The following SLC7A7 variants were observed in gnomAD, a reference collection of about 807,000 sequenced individuals.
The protein encoded by SLC7A7 is Y+L amino acid transporter 1.
In SLC7A7, 39 loss-of-function variants were observed where a neutral mutation model predicts 47.9. The ratio of observed to expected loss-of-function variants is 0.81; its 90% CI spans 0.63 to 1.06. SLC7A7 has a LOEUF of 1.06. Ranked by LOEUF, SLC7A7 falls within the 50% of genes least tolerant of loss-of-function variation. SLC7A7 has a pLI of 0.00. For missense variants in SLC7A7, 588 were observed against 632.0 expected (o/e 0.93, Z 0.75); for synonymous variants, 234 against 242.8 (o/e 0.96, Z 0.34).
At chr14:22,797,604 G>A (rs2039041330) in intron 2 of SLC7A7, among the ~76,000 whole-genome samples, 1 of 152,172 alleles carries the variant, frequency 6.6e-6, no homozygotes, top group South Asian at 2.1e-4. Context: ...TGAATGGGGT[G>A]CAGGCAAGCA....
At chr14:22,812,805 A>T in intron 2 of SLC7A7, 95 bp downstream of exon 2, 1 of 1,024,958 alleles carries the variant, frequency 9.8e-7, no homozygotes. Context: ...TGTCAGAGAC[A>T]TTCCTCTCTA....
chr14:22,807,147 C>A (rs1229043815), intron 2 of SLC7A7, among the ~76,000 whole-genome samples: 2 of 152,144 alleles, frequency 1.3e-5, no homozygotes, highest in Non-Finnish European at 2.9e-5. Flanking sequence ...GATCCACCAG[C>A]CTCGGCCTCC....
At chr14:22,809,958 G>T (rs952006205) in intron 2 of SLC7A7, among the ~76,000 whole-genome samples, 3 of 146,596 alleles carry the variant, frequency 2.0e-5, no homozygotes, top group African/African-American at 7.6e-5. Context: ...AGAATCGCTG[G>T]AACTCGGGAG....
chr14:22,777,142 T>TA lies in SLC7A7; in HGVS notation c.771-825dup, dbSNP rs35326556. On this transcript the variant is annotated intron_variant, in intron 4 of 9. Coordinates refer to ENST00000674313, the MANE Select transcript of SLC7A7 (RefSeq NM_003982.4). ...CTGGGCAAGGCAGCCAGACCCTGTC[T>TA]AAAAAAAAAAAAAAAAAAAAAAAAG... Among the ~76,000 whole-genome samples the TA allele has an allele frequency of 5.2e-3, 334 of 63,900 alleles. 4 individuals are homozygous for TA. Among genetic ancestry groups the TA allele is most frequent in the East Asian group, 0.032 (61 of 1,912 alleles). The allele number at this position is 63,900 out of a possible 152,430, so 41.9% of individuals were successfully genotyped here.
chr14:22,781,875 T>G (rs1408590478), intron 2 of SLC7A7, among the ~76,000 whole-genome samples: 1 of 152,146 alleles, frequency 6.6e-6, no homozygotes, highest in Non-Finnish European at 1.5e-5. Flanking sequence ...AATACAAATT[T>G]ATGATTCCCT....
At chr14:22,783,391 T>G (rs1323169360) in intron 2 of SLC7A7, among the ~76,000 whole-genome samples, 1 of 150,374 alleles carries the variant, frequency 6.7e-6, no homozygotes, top group East Asian at 2.0e-4. Context: ...TAATCCCTAT[T>G]GCTTCTCTAC....
Position 22,794,126 on chromosome 14 carries a change from C to T in SLC7A7, c.500-14075G>A, listed in dbSNP as rs201808454. On this transcript the variant is annotated intron_variant, in intron 2 of 9. Transcript: ENST00000674313. ...TTAAAAACTCTGCTCCCAGAATGTT[C>T]GGGGAGACTGATTTGAGTAATAATA... is the stretch of plus-strand genomic sequence containing the variant. 1.6e-3 allele frequency among the ~76,000 whole-genome samples: 245 copies of T among 152,322 alleles called. 4 individuals carry two copies. In the South Asian group the frequency reaches 0.044, roughly 27 times the overall value.
intron 2 of SLC7A7, 191 bp from the exon 3 acceptor site, chr14:22,780,242 A>C: frequency 1.7e-6 from 1 of 601,556 alleles, no homozygotes; most frequent in Non-Finnish European, 2.9e-6. Context: ...AAAGGCCTCT[A>C]TACTCCCCAC....
At chr14:22,794,449 C>T (rs1480786429) in intron 2 of SLC7A7, among the ~76,000 whole-genome samples, 1 of 152,136 alleles carries the variant, frequency 6.6e-6, no homozygotes, top group African/African-American at 2.4e-5. Flanking sequence ...AGTCCCTTCT[C>T]CAAGCCGTGT....
chr14:22,774,610 T>C, intron 7 of SLC7A7, 107 bp from the exon 8 acceptor site: 1 of 1,438,186 alleles, frequency 7.0e-7, no homozygotes, highest in Non-Finnish European at 9.7e-7. Flanking sequence ...CCTCAAAGTC[T>C]CCTGGTCCTC....
intron 2 of SLC7A7, among the ~76,000 whole-genome samples, chr14:22,802,514 CA>C (rs1490914186): frequency 6.6e-6 from 1 of 152,162 alleles, no homozygotes; most frequent in African/African-American, 2.4e-5. Context: ...TCTTCTGGCA[CA>C]AAACTTACAA....
intron 2 of SLC7A7, among the ~76,000 whole-genome samples, chr14:22,809,630 C>T (rs1446026027): frequency 1.3e-5 from 2 of 152,036 alleles, no homozygotes; most frequent in Non-Finnish European, 2.9e-5. Context: ...CGTGAGCCAC[C>T]ATGCCCGGCC....
intron 2 of SLC7A7, among the ~76,000 whole-genome samples, chr14:22,799,595 C>T (rs1357143080): frequency 6.6e-6 from 1 of 151,686 alleles, no homozygotes; most frequent in Non-Finnish European, 1.5e-5. Flanking sequence ...GCTGGGACTA[C>T]AGGTGCACAC....
chr14:22,782,395 G>A (rs1391708320), intron 2 of SLC7A7, among the ~76,000 whole-genome samples: 4 of 147,080 alleles, frequency 2.7e-5, no homozygotes, highest in South Asian at 2.2e-4. Context: ...GAGCCACCGC[G>A]CCCGGCCTAT....
At chr14:22,796,699 T>C (rs2039027246) in intron 2 of SLC7A7, among the ~76,000 whole-genome samples, 1 of 152,130 alleles carries the variant, frequency 6.6e-6, no homozygotes, top group East Asian at 1.9e-4. Context: ...TAGGTCTCAG[T>C]GTGGGCAAGT....
chr14:22,813,348 G>C lies in SLC7A7; in HGVS notation c.51C>G (p.Thr17=). ...YEVASQPEVE[T]SPLGDGASPG... Reference sequence around the variant, plus strand: ...GGCTGGCCCCATCACCCAAAGGGGAGGTTTCCACCTCAGGCTGGGAGGCCA... The same window carrying C: ...GGCTGGCCCCATCACCCAAAGGGGACGTTTCCACCTCAGGCTGGGAGGCCA... Residue 17 remains threonine, a synonymous_variant, in exon 2 of 10, where the codon ACC becomes ACG. Transcript: ENST00000674313. 6.2e-7 allele frequency: 1 copy of C among 1,614,006 alleles called. No individual in the cohort carries two copies. Among genetic ancestry groups the C allele is most frequent in the Non-Finnish European group, 8.5e-7 (1 of 1,180,036 alleles).
At chr14:22,812,621 G>A (rs1193762713) in intron 2 of SLC7A7, among the ~76,000 whole-genome samples, 12 of 137,924 alleles carry the variant, frequency 8.7e-5, no homozygotes, top group African/African-American at 2.5e-4. Flanking sequence ...GGGTGACAGA[G>A]CAAAATACCT....
At chr14:22,808,726 G>A (rs544955837) in intron 2 of SLC7A7, among the ~76,000 whole-genome samples, 2 of 152,190 alleles carry the variant, frequency 1.3e-5, no homozygotes, top group East Asian at 3.8e-4. Context: ...CTTAGTCTTG[G>A]TTGCCCTTCT....
At chr14:22,809,531 C>T (rs964600679) in intron 2 of SLC7A7, among the ~76,000 whole-genome samples, 30 of 152,146 alleles carry the variant, frequency 2.0e-4, no homozygotes, top group African/African-American at 6.5e-4. Context: ...TTCATAGAGA[C>T]GGGGTTTCAC....
Sources: allele counts gnomAD v4.1 joint callset (sites outside exome capture counted in the v4.1 genomes callset), GRCh38; gene constraint gnomAD v4.1.1; transcripts MANE v1.5; gene names NCBI Gene and HGNC (gene_info 2026-07-23, HGNC 2026-07-21).